The following IMMP2L variants were observed in gnomAD, a reference collection of about 807,000 sequenced individuals.
IMMP2L encodes the protein inner mitochondrial membrane peptidase subunit 2.
IMMP2L carries 18 observed loss-of-function variants against 19.3 expected under a neutral mutation model. The ratio of observed to expected loss-of-function variants is 0.93; its 90% CI spans 0.64 to 1.38. IMMP2L has a LOEUF of 1.38. IMMP2L is among the 40% of genes most tolerant of loss of function. The pLI, the probability that IMMP2L is intolerant of heterozygous loss-of-function variation, is 0.00. For synonymous variants in IMMP2L, 76 were observed against 73.0 expected, an observed-to-expected ratio of 1.04 and a Z score of -0.21; for missense variants, 233 against 218.2, an observed-to-expected ratio of 1.07 and a Z score of -0.43.
intron 3 of IMMP2L, among the ~76,000 whole-genome samples, chr7:111,355,552 C>A (rs1451133038): frequency 1.3e-5 from 2 of 151,416 alleles, no homozygotes; most frequent in Non-Finnish European, 3.0e-5. Flanking sequence ...AAATACCCAC[C>A]AGTTTTAAGA....
intron 5 of IMMP2L, among the ~76,000 whole-genome samples, chr7:110,736,636 T>A (rs1048817314): frequency 4.2e-5 from 3 of 71,672 alleles, no homozygotes; most frequent in Non-Finnish European, 1.3e-4. Flanking sequence ...CAAGATTTAA[T>A]GTTCTTTGCC....
chr7:110,891,694 T>C (rs1015587193), intron 4 of IMMP2L, among the ~76,000 whole-genome samples: 2 of 152,026 alleles, frequency 1.3e-5, no homozygotes, highest in Non-Finnish European at 2.9e-5. Flanking sequence ...ATTTTAAAGA[T>C]AGACACTTGA....
At chr7:110,817,911 T>G (rs1468561679) in intron 5 of IMMP2L, among the ~76,000 whole-genome samples, 3 of 152,132 alleles carry the variant, frequency 2.0e-5, no homozygotes, top group African/African-American at 7.2e-5. Flanking sequence ...GCTAGCTGTA[T>G]GTAGAAAGCT....
At chr7:110,981,127 C>G (rs1032977524) in intron 3 of IMMP2L, among the ~76,000 whole-genome samples, 1 of 152,072 alleles carries the variant, frequency 6.6e-6, no homozygotes, top group African/African-American at 2.4e-5. Context: ...ATTATACAAG[C>G]CTTATTGCCA....
intron 3 of IMMP2L, among the ~76,000 whole-genome samples, chr7:111,331,117 T>G (rs112161955): frequency 1.3e-5 from 2 of 151,880 alleles, no homozygotes; most frequent in Non-Finnish European, 2.9e-5. Flanking sequence ...GTTGAAGAAA[T>G]GTCTGCATTC....
Position 111,123,107 on chromosome 7 carries a change from T to G in IMMP2L, c.240-159542A>C, listed in dbSNP as rs1401586606. ...TTATCTTCAGTCACCAATATTAATGTAAAAAAGATGCCTCAGCTCCTTTCT... is the reference window on the plus strand; with the variant it reads ...TTATCTTCAGTCACCAATATTAATGGAAAAAAGATGCCTCAGCTCCTTTCT... On this transcript the variant is annotated intron_variant, in intron 3 of 5. Transcript: ENST00000405709. This position sits in a 1 kb window ranked among gnomAD's most constrained non-coding sequence, Gnocchi z 6.4. 6.2e-7 allele frequency: 1 copy of G among 1,613,642 alleles called. No homozygotes were observed. Among genetic ancestry groups the G allele is most frequent in the Non-Finnish European group, 8.5e-7 (1 of 1,179,804 alleles).
intron 1 of IMMP2L, among the ~76,000 whole-genome samples, chr7:111,537,366 G>C (rs1215046368): frequency 1.3e-5 from 2 of 151,968 alleles, no homozygotes; most frequent in Non-Finnish European, 2.9e-5. Flanking sequence ...CAACATGGTA[G>C]TGAGCCAAAG....
In IMMP2L at chr7:110,877,008, C is replaced by T. The variant is rs1439372079; in HGVS notation, c.408+9585G>A. ...GTTGGCAAGCTTTTTAAATAAAGAG[C>T]AGATAATAAATATTTTAGGATTTGT... On this transcript the variant is annotated intron_variant, in intron 5 of 5. Transcript: ENST00000405709. This position sits in a 1 kb window ranked among gnomAD's most constrained non-coding sequence, Gnocchi z 4.0. Among the ~76,000 whole-genome samples, 1 of 152,048 alleles carries T rather than the reference C, an allele frequency of 6.6e-6. No homozygotes were observed. Among genetic ancestry groups the T allele is most frequent in the Non-Finnish European group, 1.5e-5 (1 of 68,004 alleles).
chr7:110,894,363 T>C (rs1433553900), intron 4 of IMMP2L, among the ~76,000 whole-genome samples: 2 of 152,192 alleles, frequency 1.3e-5, no homozygotes, highest in African/African-American at 4.8e-5. Flanking sequence ...TACCAATGTT[T>C]AAGAGTTTCT....
intron 3 of IMMP2L, among the ~76,000 whole-genome samples, chr7:111,236,904 G>A (rs1252692884): frequency 3.3e-5 from 5 of 152,042 alleles, no homozygotes; most frequent in South Asian, 2.1e-4. Flanking sequence ...CCTTTCATAC[G>A]GTGTATCTGG....
chr7:111,109,854 G>A (rs1314459878), intron 3 of IMMP2L, among the ~76,000 whole-genome samples: 1 of 152,168 alleles, frequency 6.6e-6, no homozygotes, highest in Admixed American at 6.5e-5. Context: ...AGTCTTCAGG[G>A]GCTGGGCGCG....
At chr7:111,559,925 G>T (rs1443132484) in intron 1 of IMMP2L, among the ~76,000 whole-genome samples, 2 of 152,036 alleles carry the variant, frequency 1.3e-5, no homozygotes, top group Non-Finnish European at 2.9e-5. Context: ...TGAAGTTGTG[G>T]GGTGGAGTGA....
chr7:111,197,495 A>G (rs1809638379), intron 3 of IMMP2L, among the ~76,000 whole-genome samples: 1 of 152,060 alleles, frequency 6.6e-6, no homozygotes, highest in Admixed American at 6.6e-5. Flanking sequence ...ACAAAAATGA[A>G]CCAAGTATTT....
chr7:111,084,036 T>G (rs1796101438), intron 3 of IMMP2L, among the ~76,000 whole-genome samples: 1 of 151,926 alleles, frequency 6.6e-6, no homozygotes, highest in Non-Finnish European at 1.5e-5. Flanking sequence ...CTGACTGTGT[T>G]GTGGAGGAAG....
At chr7:111,230,057 A>G (rs1450165252) in intron 3 of IMMP2L, among the ~76,000 whole-genome samples, 2 of 152,204 alleles carry the variant, frequency 1.3e-5, no homozygotes, top group South Asian at 2.1e-4. Flanking sequence ...ATTCCCAACT[A>G]TAACCACAGA....
At chr7:110,743,638 C>T (rs573855078) in intron 5 of IMMP2L, among the ~76,000 whole-genome samples, 178 of 152,174 alleles carry the variant, frequency 1.2e-3, no homozygotes, top group African/African-American at 3.9e-3. Flanking sequence ...CCAAGGAGGG[C>T]GAGCTGAAGC....
chr7:111,283,406 T>C (rs186024558), intron 3 of IMMP2L, among the ~76,000 whole-genome samples: 2 of 152,180 alleles, frequency 1.3e-5, no homozygotes, highest in Admixed American at 6.5e-5. Flanking sequence ...TCTTGAAAGA[T>C]GAATATGAAT....
chr7:111,491,892 G>A (rs182208531), intron 2 of IMMP2L, among the ~76,000 whole-genome samples: 406 of 147,648 alleles, frequency 2.7e-3, no homozygotes, highest in Middle Eastern at 0.018. Flanking sequence ...CACTGCATTC[G>A]TTTTTTTTTT....
intron 2 of IMMP2L, among the ~76,000 whole-genome samples, chr7:111,503,294 A>C (rs1262259242): frequency 6.6e-6 from 1 of 152,102 alleles, no homozygotes; most frequent in Non-Finnish European, 1.5e-5. Context: ...TCTGAATAGA[A>C]CAATAAGAGG....
Sources: allele counts gnomAD v4.1 joint callset (sites outside exome capture counted in the v4.1 genomes callset), GRCh38; gene constraint gnomAD v4.1.1; non-coding constraint Gnocchi (gnomAD v3.1); transcripts MANE v1.5; gene names NCBI Gene and HGNC (gene_info 2026-07-23, HGNC 2026-07-21).